PATJ: variants seen among roughly 807,000 people sequenced by gnomAD.
PATJ encodes the protein PATJ crumbs cell polarity complex component, also known as inaD-like protein.
In PATJ, 190 loss-of-function variants were observed where a neutral mutation model predicts 224.9. The observed-to-expected ratio is 0.84, with a 90% CI of 0.75 to 0.95. The LOEUF is 0.95. Ranked by LOEUF, PATJ falls within the 40% of genes least tolerant of loss-of-function variation. The probability of loss-of-function intolerance (pLI) is 0.00; values close to 1 mark genes in which losing one functional copy is unlikely to be tolerated. For missense variants in PATJ, 2,121 were observed against 2,270.3 expected, an observed-to-expected ratio of 0.93 and a Z score of 1.34; for synonymous variants, 769 against 820.3, an observed-to-expected ratio of 0.94 and a Z score of 1.07.
intron 41 of PATJ, among the ~76,000 whole-genome samples, chr1:62,146,752 GGGCAA>G (rs1348527700): frequency 1.3e-5 from 2 of 151,820 alleles, no homozygotes; most frequent in African/African-American, 2.4e-5. Context: ...ACTCCAGCCT[GGGCAA>G]CAAGAGTGAA....
chr1:62,124,997 T>G (rs1665521712), intron 39 of PATJ, among the ~76,000 whole-genome samples: 1 of 151,650 alleles, frequency 6.6e-6, no homozygotes. Context: ...GAGGCCGAGG[T>G]GGGAGGATCA....
intron 31 of PATJ, chr1:62,073,198 T>C: frequency 1.0e-6 from 1 of 985,394 alleles, no homozygotes; most frequent in Non-Finnish European, 1.2e-6. Flanking sequence ...AGATCTTTTA[T>C]TACTTGACAG....
intron 14 of PATJ, among the ~76,000 whole-genome samples, chr1:61,809,057 C>G (rs1314757553): frequency 1.3e-5 from 2 of 152,204 alleles, no homozygotes; most frequent in African/African-American, 4.8e-5. Context: ...AGTGGTTTAT[C>G]TTCTGAGTGT....
intron 35 of PATJ, 140 bp from the exon 36 acceptor site, chr1:62,116,392 A>C (rs1423705577): frequency 1.0e-6 from 1 of 954,158 alleles, no homozygotes; most frequent in African/African-American, 1.7e-5. Context: ...GCAAATTACC[A>C]AGGTATGAAA....
intron 28 of PATJ, among the ~76,000 whole-genome samples, chr1:62,010,520 G>A (rs578043623): frequency 4.3e-4 from 65 of 149,496 alleles, no homozygotes; most frequent in African/African-American, 1.4e-3. Context: ...CCACATATGA[G>A]TGAGAACATG....
intron 17 of PATJ, among the ~76,000 whole-genome samples, chr1:61,843,057 A>T (rs1201926418): frequency 2.0e-5 from 3 of 152,188 alleles, no homozygotes; most frequent in African/African-American, 7.2e-5. Context: ...GTGATCCAGA[A>T]AAGCCAGGCT....
chr1:61,749,718 C>T (rs551367069), intron 1 of PATJ, among the ~76,000 whole-genome samples: 1 of 151,958 alleles, frequency 6.6e-6, no homozygotes, highest in South Asian at 2.1e-4. Context: ...ACTCTGTTGC[C>T]CAGGCTATGG....
chr1:61,929,343 A>G (rs548230561), intron 27 of PATJ, among the ~76,000 whole-genome samples: 2 of 152,310 alleles, frequency 1.3e-5, no homozygotes, highest in South Asian at 4.1e-4. Context: ...TGGAAAAGTT[A>G]TTTAACTTCT....
At chr1:61,786,157 G>A (rs1368877615) in intron 7 of PATJ, among the ~76,000 whole-genome samples, 2 of 152,216 alleles carry the variant, frequency 1.3e-5, no homozygotes, top group African/African-American at 4.8e-5. Flanking sequence ...GAGTAGTTGA[G>A]ATTACAGGCA....
chr1:61,961,971 G>GAAAAA (rs371746015), intron 27 of PATJ, among the ~76,000 whole-genome samples: 5 of 113,460 alleles, frequency 4.4e-5, no homozygotes, highest in South Asian at 2.9e-4. Flanking sequence ...CTCCGTCTTA[G>GAAAAA]AAAAAAAAAA....
chr1:61,990,271 C>A lies in PATJ; in HGVS notation c.3774C>A (p.Asp1258Glu). ...GLGLSLAGNKDRSRMSIFVVG... is the reference protein window; with the variant it reads ...GLGLSLAGNKERSRMSIFVVG... The stretch of plus-strand genomic sequence containing the variant: ...GACTCAGCCTTGCTGGTAATAAAGA[C>A]CGATCACGCATGAGCATATTTGTGG... Residue 1258 changes from aspartate (D) to glutamate (E), a missense_variant, in exon 28 of 44, where the codon GAC becomes GAA. Physicochemically the swap from Asp to Glu is conservative, Grantham distance 45. Transcript: ENST00000642238. 1.2e-6 allele frequency: 2 copies of A among 1,613,930 alleles called. No homozygotes were observed. Among genetic ancestry groups the A allele is most frequent in the Non-Finnish European group, 1.7e-6 (2 of 1,179,914 alleles).
chr1:61,870,226 G>T (rs1666126291), intron 20 of PATJ, among the ~76,000 whole-genome samples: 1 of 152,172 alleles, frequency 6.6e-6, no homozygotes, highest in South Asian at 2.1e-4. Flanking sequence ...AAGGGGAGCT[G>T]CAAAGGAGAT....
At chr1:62,149,052 C>T (rs1425879007) in intron 42 of PATJ, among the ~76,000 whole-genome samples, 1 of 149,260 alleles carries the variant, frequency 6.7e-6, no homozygotes, top group African/African-American at 2.5e-5. Flanking sequence ...TGCTTGAACC[C>T]GGGAGGTGGA....
At chr1:62,033,793 C>T (rs1649792052) in intron 29 of PATJ, among the ~76,000 whole-genome samples, 1 of 152,092 alleles carries the variant, frequency 6.6e-6, no homozygotes, top group Non-Finnish European at 1.5e-5. Flanking sequence ...TTTTTTCTGC[C>T]TTATTAAGAT....
intron 42 of PATJ, among the ~76,000 whole-genome samples, chr1:62,152,278 G>C (rs1668705066): frequency 6.6e-6 from 1 of 152,168 alleles, no homozygotes; most frequent in Non-Finnish European, 1.5e-5. Context: ...CCTCCCAAGG[G>C]AGGCAGGAGA....
chr1:61,995,594 C>T (rs1421114611), intron 28 of PATJ, among the ~76,000 whole-genome samples: 2 of 152,168 alleles, frequency 1.3e-5, no homozygotes, highest in Admixed American at 1.3e-4. Context: ...GAAGAGCATT[C>T]AGCAAATTCT....
At chr1:61,952,629 G>A (rs1270136931) in intron 27 of PATJ, among the ~76,000 whole-genome samples, 1 of 152,212 alleles carries the variant, frequency 6.6e-6, no homozygotes, top group Non-Finnish European at 1.5e-5. Flanking sequence ...TAGTTTGAAT[G>A]TCCTTATGAT....
chr1:61,842,811 C>T (rs1379970563), intron 17 of PATJ, among the ~76,000 whole-genome samples: 2 of 149,330 alleles, frequency 1.3e-5, no homozygotes, highest in South Asian at 2.1e-4. Flanking sequence ...GAAACTCGGT[C>T]CCCAGAGGTG....
chr1:61,992,401 A>G (rs1351173365), intron 28 of PATJ, among the ~76,000 whole-genome samples: 2 of 152,154 alleles, frequency 1.3e-5, no homozygotes, highest in South Asian at 2.1e-4. Context: ...TACAGGCGTG[A>G]GTCACCAGGC....
Sources: allele counts gnomAD v4.1 joint callset (sites outside exome capture counted in the v4.1 genomes callset), GRCh38; gene constraint gnomAD v4.1.1; transcripts MANE v1.5; gene names NCBI Gene and HGNC (gene_info 2026-07-23, HGNC 2026-07-21).